ASB18: variants seen among roughly 807,000 people sequenced by gnomAD.
The protein encoded by ASB18 is ankyrin repeat and SOCS box protein 18.
In ASB18, 33 loss-of-function variants were observed where a neutral mutation model predicts 33.4. That is an observed-to-expected ratio of 0.99 (90% CI 0.75 to 1.32). The LOEUF is 1.32. ASB18 is among the 40% of genes most tolerant of loss of function. ASB18 has a pLI of 0.00. For synonymous variants in ASB18, 295 were observed against 307.6 expected (o/e 0.96, Z 0.43); for missense variants, 694 against 655.5 (o/e 1.06, Z -0.64).
rs556686466 is a variant in ASB18, at chr2:236,210,020, G to A, written c.1101+4342C>T. 5.3e-5 allele frequency among the ~76,000 whole-genome samples: 8 copies of A among 152,336 alleles called. No individual in the cohort carries two copies. The South Asian group carries it at 1.0e-3, about 20-fold the overall frequency. ...AGCCTTGGACCCTGCCCCCCAGCCA[G>A]GTGAAACCCCTGTTCTGTGCTTTCA... On this transcript the variant is annotated intron_variant, in intron 4 of 5. Transcript: ENST00000409749.
In ASB18 at chr2:236,229,728, C is replaced by G. The variant is rs535208171; in HGVS notation, c.596+7961G>C. Among the ~76,000 whole-genome samples, 1 of 152,218 alleles carries G rather than the reference C, an allele frequency of 6.6e-6. No homozygotes were observed. Among genetic ancestry groups the G allele is most frequent in the East Asian group, 1.9e-4 (1 of 5,176 alleles). On this transcript the variant is annotated intron_variant, in intron 3 of 5. Transcript: ENST00000409749. This position sits in a 1 kb window ranked among gnomAD's most constrained non-coding sequence, Gnocchi z 5.2. The stretch of plus-strand genomic sequence containing the variant: ...TGGTGGCATGCACCTGTAATCCCAG[C>G]TATCTGGGAGGCTGAGGCAGGAGAA...
rs536176254 is a variant in ASB18 at position 236,208,881 on chromosome 2, C to G, written c.1101+5481G>C. The stretch of plus-strand genomic sequence containing the variant: ...GACATGCTGATGTCATTAGTGTCCA[C>G]GCACACCACACTCTCTTCAGCTAAT... On this transcript the variant is annotated intron_variant, in intron 4 of 5. Transcript: ENST00000409749. The surrounding 1 kb of genome is among the most constrained non-coding windows in gnomAD (Gnocchi z 7.7). Among the ~76,000 whole-genome samples the G allele has an allele frequency of 1.3e-5, 2 of 152,144 alleles. No individual in the cohort carries two copies. Among genetic ancestry groups the G allele is most frequent in the African/African-American group, 4.8e-5 (2 of 41,440 alleles).
In ASB18 at chr2:236,237,268, TC is replaced by T. The variant is rs68178507; in HGVS notation, c.596+420del. 0.049 allele frequency among the ~76,000 whole-genome samples: 7,368 copies of T among 151,678 alleles called. 246 individuals are homozygous for T. The highest frequency in any genetic ancestry group is 0.078 in the Non-Finnish European group (5,248 of 67,716). On this transcript the variant is annotated intron_variant, in intron 3 of 5. Coordinates refer to ENST00000409749, the MANE Select transcript of ASB18 (RefSeq NM_212556.4). The surrounding 1 kb of genome is among the most constrained non-coding windows in gnomAD (Gnocchi z 6.2). Reference sequence around the variant, plus strand: ...CCCGGCGCCGGCGGCTGGGCTGTGATCACCGCGCTCATTACCTCGGCGTGGC... The same window carrying T: ...CCCGGCGCCGGCGGCTGGGCTGTGATACCGCGCTCATTACCTCGGCGTGGC...
In ASB18 at chr2:236,213,279, A is replaced by G. The variant is rs1168844238; in HGVS notation, c.1101+1083T>C. Among the ~76,000 whole-genome samples the G allele has an allele frequency of 6.6e-6, 1 of 151,530 alleles. No homozygotes were observed. The highest frequency in any genetic ancestry group is 2.4e-5 in the African/African-American group (1 of 41,230). On this transcript the variant is annotated intron_variant, in intron 4 of 5. Coordinates refer to ENST00000409749, the MANE Select transcript of ASB18 (RefSeq NM_212556.4). The surrounding 1 kb of genome is among the most constrained non-coding windows in gnomAD (Gnocchi z 4.8). ...AACACTAGGGGAGTTGTCTCGGGGG[A>G]TTTTCTAACCTTTCAGAGGCACAGT...
rs745397158 is a variant in ASB18 at position 236,234,760 on chromosome 2, TC to T, written c.596+2928del. Among the ~76,000 whole-genome samples, 11 of 152,108 alleles carry T rather than the reference TC, an allele frequency of 7.2e-5. No individual in the cohort carries two copies. Among genetic ancestry groups the T allele is most frequent in the Non-Finnish European group, 8.8e-5 (6 of 68,016 alleles). ...GCAAAAATAAATAAAAAAGCTTCAA[TC>T]CCTACCTCACATCATATTCAGAAAT... On this transcript the variant is annotated intron_variant, in intron 3 of 5. Transcript: ENST00000409749. The surrounding 1 kb of genome is among the most constrained non-coding windows in gnomAD (Gnocchi z 4.1).
At position 236,204,301 on chromosome 2, in the gene ASB18, C is replaced by T. The variant is rs1469144992; in HGVS notation, c.1102-7916G>A. 3.9e-5 allele frequency among the ~76,000 whole-genome samples: 6 copies of T among 152,290 alleles called. No homozygotes were observed. The highest frequency in any genetic ancestry group is 6.5e-5 in the Admixed American group (1 of 15,302). On this transcript the variant is annotated intron_variant, in intron 4 of 5. Coordinates refer to ENST00000409749, the MANE Select transcript of ASB18 (RefSeq NM_212556.4). The surrounding 1 kb of genome is among the most constrained non-coding windows in gnomAD (Gnocchi z 5.1). ...GTGTCAGCCACGCCTGACATGTTGA[C>T]GATGTCTTCCACCTCAATGCAGCCT...
At chr2:236,202,216 G>A (rs529178155) in intron 4 of ASB18, among the ~76,000 whole-genome samples, 10 of 152,182 alleles carry the variant, frequency 6.6e-5, no homozygotes, top group South Asian at 2.1e-4. Flanking sequence ...CTCCCAAAGC[G>A]CTGGGATTAC....
Position 236,222,251 on chromosome 2 carries a change from A to T in ASB18, c.597-7385T>A, listed in dbSNP as rs1224886701. ...TCCCTCTCTCCCGGGATGCTAAGCT[A>T]TGAGACTATCAGACATAAATGTTTA... On this transcript the variant is annotated intron_variant, in intron 3 of 5. Coordinates refer to ENST00000409749, the MANE Select transcript of ASB18 (RefSeq NM_212556.4). This position sits in a 1 kb window ranked among gnomAD's most constrained non-coding sequence, Gnocchi z 5.5. Among the ~76,000 whole-genome samples, 1 of 152,110 alleles carries T rather than the reference A, an allele frequency of 6.6e-6. No individual in the cohort carries two copies. The highest frequency in any genetic ancestry group is 2.4e-5 in the African/African-American group (1 of 41,416).
In ASB18 at chr2:236,238,857, C is replaced by T. The variant is rs1217339450; in HGVS notation, c.329-901G>A. Among the ~76,000 whole-genome samples, 1 of 152,134 alleles carries T rather than the reference C, an allele frequency of 6.6e-6. No homozygotes were observed. The highest frequency in any genetic ancestry group is 2.4e-5 in the African/African-American group (1 of 41,406). On this transcript the variant is annotated intron_variant, in intron 2 of 5. Transcript: ENST00000409749. This position sits in a 1 kb window ranked among gnomAD's most constrained non-coding sequence, Gnocchi z 5.2. ...AATCGATACTGTGGCTGTAATGAGC[C>T]GCAGAGGAGACCCTTTTCACAGGCC...
At chr2:236,227,157 G>C (rs1416347561) in intron 3 of ASB18, among the ~76,000 whole-genome samples, 1 of 152,138 alleles carries the variant, frequency 6.6e-6, no homozygotes, top group Non-Finnish European at 1.5e-5. Flanking sequence ...GGGAGGAATG[G>C]TGAATACCCT....
rs1202614948 is a variant in ASB18 at position 236,219,772 on chromosome 2, C to A, written c.597-4906G>T. Among the ~76,000 whole-genome samples, 1 of 152,108 alleles carries A rather than the reference C, an allele frequency of 6.6e-6. No homozygotes were observed. Among genetic ancestry groups the A allele is most frequent in the Non-Finnish European group, 1.5e-5 (1 of 68,034 alleles). ...TGTCTGGGACCCAGCCTTGGCTGAG[C>A]CTTTTACTCCAAGGCAAGATTTTGT... On this transcript the variant is annotated intron_variant, in intron 3 of 5. Transcript: ENST00000409749. This position sits in a 1 kb window ranked among gnomAD's most constrained non-coding sequence, Gnocchi z 6.4.
chr2:236,246,654 A>G (rs1331777269), intron 1 of ASB18, among the ~76,000 whole-genome samples: 1 of 152,186 alleles, frequency 6.6e-6, no homozygotes. Context: ...AAAATGACCA[A>G]TAGTAACACA....
At position 236,237,583 on chromosome 2, in the gene ASB18, G is replaced by C; in HGVS notation, c.596+106C>G. 1.0e-6 allele frequency: 1 copy of C among 966,562 alleles called. No individual in the cohort carries two copies. Among genetic ancestry groups the C allele is most frequent in the South Asian group, 2.3e-5 (1 of 43,066 alleles). 59.9% of individuals were successfully genotyped at this position (966,562 alleles called of 1,614,324 possible). On this transcript the variant is annotated intron_variant, in intron 3 of 5. Coordinates refer to ENST00000409749, the MANE Select transcript of ASB18 (RefSeq NM_212556.4). The surrounding 1 kb of genome is among the most constrained non-coding windows in gnomAD (Gnocchi z 6.2). ...GGGTGCAGGGTCTGGGTCCGGAGGC[G>C]GGGGCTGGGACGGAGGCGGAGGCGG...
At position 236,257,118 on chromosome 2, in the gene ASB18, T is replaced by C. The variant is rs2060696110; in HGVS notation, c.205+7023A>G. Among the ~76,000 whole-genome samples the C allele has an allele frequency of 6.6e-6, 1 of 152,254 alleles. No individual in the cohort carries two copies. Among genetic ancestry groups the C allele is most frequent in the South Asian group, 2.1e-4 (1 of 4,834 alleles). On this transcript the variant is annotated intron_variant, in intron 1 of 5. Transcript: ENST00000409749. This position sits in a 1 kb window ranked among gnomAD's most constrained non-coding sequence, Gnocchi z 5.5. ...TCAGGCAGCGCATAATTGAGTCTGT[T>C]AGCAAGGACTTTAGCAAGAATTTTG...
intron 4 of ASB18, among the ~76,000 whole-genome samples, chr2:236,198,386 T>C (rs1559325873): frequency 6.6e-6 from 1 of 152,198 alleles, no homozygotes; most frequent in African/African-American, 2.4e-5. Context: ...TCTTTTTTTT[T>C]TGGATGGAGT....
chr2:236,241,203 C>T lies in ASB18; in HGVS notation c.328+77G>A, dbSNP rs2106280344. 1 of 1,429,952 alleles carries T rather than the reference C, an allele frequency of 7.0e-7. No individual in the cohort carries two copies. The allele number at this position is 1,429,952 out of a possible 1,614,324, so 88.6% of individuals were successfully genotyped here. ...CCAGTGCCACTGTGCCCAGTCTACA[C>T]ACGGGAGCCTTACACTCCCAGAGAG... On this transcript the variant is annotated intron_variant, in intron 2 of 5. Transcript: ENST00000409749. The surrounding 1 kb of genome is among the most constrained non-coding windows in gnomAD (Gnocchi z 4.2).
Position 236,252,917 on chromosome 2 carries a change from G to A in ASB18, c.205+11224C>T, listed in dbSNP as rs2060674572. ...CACCTAAGAACACTCCTCCCAACGT[G>A]GCCAGATCCAGTGATGGATCCAGGT... On this transcript the variant is annotated intron_variant, in intron 1 of 5. Transcript: ENST00000409749. The surrounding 1 kb of genome is among the most constrained non-coding windows in gnomAD (Gnocchi z 7.9). Among the ~76,000 whole-genome samples the A allele has an allele frequency of 6.6e-6, 1 of 152,224 alleles. No homozygotes were observed. Among genetic ancestry groups the A allele is most frequent in the South Asian group, 2.1e-4 (1 of 4,830 alleles).
At position 236,253,432 on chromosome 2, in the gene ASB18, C is replaced by T. The variant is rs886708336; in HGVS notation, c.205+10709G>A. The stretch of plus-strand genomic sequence containing the variant: ...TCACTCTGTTGCCTAGGCTAGAGTA[C>T]AGTGGCACAGTCATAGCTCACTGTA... On this transcript the variant is annotated intron_variant, in intron 1 of 5. Transcript: ENST00000409749. The surrounding 1 kb of genome is among the most constrained non-coding windows in gnomAD (Gnocchi z 5.4). 6.6e-6 allele frequency among the ~76,000 whole-genome samples: 1 copy of T among 152,122 alleles called. No individual in the cohort carries two copies. The highest frequency in any genetic ancestry group is 6.5e-5 in the Admixed American group (1 of 15,280).
rs1270509192 is a variant in ASB18, at chr2:236,223,225, T to A, written c.597-8359A>T. ...TAACTTTCACAGTGTCAAGTATTTC[T>A]TTATAGCAGTGCAAGAATGGCCTAA... is the stretch of plus-strand genomic sequence containing the variant. On this transcript the variant is annotated intron_variant, in intron 3 of 5. Transcript: ENST00000409749. The surrounding 1 kb of genome is among the most constrained non-coding windows in gnomAD (Gnocchi z 4.6). Among the ~76,000 whole-genome samples, 4 of 152,246 alleles carry A rather than the reference T, an allele frequency of 2.6e-5. No homozygotes were observed. Among genetic ancestry groups the A allele is most frequent in the Admixed American group, 6.5e-5 (1 of 15,290 alleles).
Sources: gnomAD v4.1 joint callset for allele counts (sites outside exome capture counted in the v4.1 genomes callset) on GRCh38, gnomAD v4.1.1 for gene constraint, Gnocchi (gnomAD v3.1) non-coding constraint, MANE v1.5 for transcripts, NCBI Gene and HGNC (gene_info 2026-07-23, HGNC 2026-07-21) for gene names.